HEPH: variants seen among roughly 807,000 people sequenced by gnomAD.
The protein encoded by HEPH is hephaestin.
A neutral mutation model predicts 80.8 loss-of-function variants in HEPH; 69 were observed. That is an observed-to-expected ratio of 0.85 (90% CI 0.70 to 1.04). HEPH has a LOEUF of 1.04. Ranked by LOEUF, HEPH falls within the 50% of genes least tolerant of loss-of-function variation. The pLI is 0.00. For synonymous variants in HEPH, 431 were observed against 322.8 expected (o/e 1.34, Z -3.60); for missense variants, 1,115 against 891.3 (o/e 1.25, Z -3.20).
Position 66,207,224 on chromosome X carries a change from A to G in HEPH, c.2321A>G (p.Asp774Gly). The change falls in exon 14 of 21, where the codon GAT becomes GGT. Residue 774 changes from aspartate to glycine, a missense_variant. Physicochemically the swap from Asp to Gly is moderately conservative, Grantham distance 94 (BLOSUM62 -1). Transcript: ENST00000343002. ...GGTTACATTTTCCTGAGCAACAAGG[A>G]TGGGCTCCTGGGTTCCAGATACAAG... ...SYGYIFLSNK[D>G]GLLGSRYKKA... 8.3e-7 allele frequency: 1 copy of G among 1,207,612 alleles called. No individual in the cohort carries two copies. Among genetic ancestry groups the G allele is most frequent in the Non-Finnish European group, 1.1e-6 (1 of 893,083 alleles).
chrX:66,253,025 C>A (rs1249351716), intron 15 of HEPH, among the ~76,000 whole-genome samples: 1 of 112,059 alleles, frequency 8.9e-6, no homozygotes, highest in Non-Finnish European at 1.9e-5. Flanking sequence ...AGGAGCAAAC[C>A]TTCATAACCT....
chrX:66,229,626 T>C (rs1218281302), intron 15 of HEPH, among the ~76,000 whole-genome samples: 1 of 111,880 alleles, frequency 8.9e-6, no homozygotes, highest in African/African-American at 3.2e-5. Context: ...TTTTGAAGAC[T>C]ACCTCTATAA....
intron 18 of HEPH, 67 bp from the exon 19 acceptor site, chrX:66,260,033 C>A: frequency 9.4e-7 from 1 of 1,062,436 alleles, no homozygotes; most frequent in Non-Finnish European, 1.3e-6. Flanking sequence ...TTTTTTGGTT[C>A]CTGAAAGCTC....
intron 15 of HEPH, among the ~76,000 whole-genome samples, chrX:66,237,509 G>GT (rs1410197411): frequency 4.5e-5 from 5 of 111,834 alleles, no homozygotes; most frequent in African/African-American, 9.7e-5. Context: ...TATGATTTCA[G>GT]TTTTTTTGCA....
intron 15 of HEPH, among the ~76,000 whole-genome samples, chrX:66,251,238 A>G (rs1158571199): frequency 8.9e-6 from 1 of 111,924 alleles, no homozygotes; most frequent in Admixed American, 9.5e-5. Context: ...TTTCTGGATC[A>G]TATAGTAAGG....
chrX:66,193,317 G>A (rs900738642), intron 7 of HEPH, among the ~76,000 whole-genome samples, 185 bp from the exon 8 acceptor site: 1 of 109,859 alleles, frequency 9.1e-6, no homozygotes, highest in Non-Finnish European at 1.9e-5. Context: ...GGCTCAAGCA[G>A]AAGCTGTATA....
At chrX:66,236,157 T>C (rs1026955879) in intron 15 of HEPH, among the ~76,000 whole-genome samples, 1 of 111,494 alleles carries the variant, frequency 9.0e-6, no homozygotes, top group African/African-American at 3.3e-5. Context: ...GATTGGGAGT[T>C]GTGGGAGAGT....
intron 1 of HEPH, among the ~76,000 whole-genome samples, chrX:66,166,595 A>C (rs1185813007): frequency 1.8e-5 from 2 of 112,132 alleles, no homozygotes; most frequent in Non-Finnish European, 3.8e-5. Context: ...AACAATGACA[A>C]ATTCAAATTT....
At chrX:66,255,250 T>C in intron 16 of HEPH, 109 bp downstream of exon 16, 1 of 442,039 alleles carries the variant, frequency 2.3e-6, no homozygotes, top group Non-Finnish European at 3.9e-6. Flanking sequence ...GCCTAGAATT[T>C]GGGGAACATT....
intron 4 of HEPH, among the ~76,000 whole-genome samples, chrX:66,177,159 A>T (rs1021878785): frequency 2.7e-5 from 3 of 111,682 alleles, no homozygotes; most frequent in Non-Finnish European, 5.7e-5. Context: ...TGGGCGAAGG[A>T]TATGAACAGA....
chrX:66,196,443 A>T (rs1380845108), intron 9 of HEPH, among the ~76,000 whole-genome samples: 1 of 112,358 alleles, frequency 8.9e-6, no homozygotes, highest in African/African-American at 3.2e-5. Flanking sequence ...AAGGAAAGGT[A>T]GGTTAAAACC....
Position 66,208,224 on chromosome X carries a change from C to A in HEPH, c.2541C>A (p.Val847=). The change falls in exon 15 of 21, where the codon GTC becomes GTA. Residue 847 remains valine, a synonymous_variant. Transcript: ENST00000343002. ...HAHGVLESTT[V]WPLAAEPGEV... ...ATGGAGTGCTAGAATCTACTACTGT[C>A]TGGCCACTGGCTGCTGAGCCTGGTG... 8.3e-7 allele frequency: 1 copy of A among 1,208,168 alleles called. No individual in the cohort carries two copies. Among genetic ancestry groups the A allele is most frequent in the Non-Finnish European group, 1.1e-6 (1 of 893,562 alleles).
intron 15 of HEPH, among the ~76,000 whole-genome samples, chrX:66,229,843 T>A (rs926737786): frequency 9.1e-6 from 1 of 109,810 alleles, no homozygotes; most frequent in African/African-American, 3.3e-5. Flanking sequence ...GTTACATATA[T>A]ATACATGTGC....
intron 13 of HEPH, among the ~76,000 whole-genome samples, chrX:66,205,599 G>C (rs1157897623): frequency 9.6e-6 from 1 of 103,739 alleles, no homozygotes; most frequent in Admixed American, 1.0e-4. Context: ...TATTTTTCAT[G>C]CTTTTTTTTT....
intron 7 of HEPH, among the ~76,000 whole-genome samples, chrX:66,193,236 T>G (rs1361032515): frequency 9.1e-6 from 1 of 110,069 alleles, no homozygotes; most frequent in East Asian, 2.9e-4. Context: ...AAAATAGAAT[T>G]CCAATAATTT....
chrX:66,177,833 A>G (rs945166147), intron 4 of HEPH, among the ~76,000 whole-genome samples: 5 of 111,110 alleles, frequency 4.5e-5, no homozygotes, highest in African/African-American at 9.8e-5. Context: ...CACTCTTTCA[A>G]TCTTTTTGAT....
intron 19 of HEPH, among the ~76,000 whole-genome samples, chrX:66,263,204 G>A (rs554333756): frequency 8.9e-6 from 1 of 111,955 alleles, no homozygotes; most frequent in Non-Finnish European, 1.9e-5. Context: ...TTGAGATGAT[G>A]TAAATGAAGT....
At chrX:66,206,339 CTTTTTTTTTTTTTTTTTTTTTTTT>C (rs760184190) in intron 13 of HEPH, among the ~76,000 whole-genome samples, 156 of 14,077 alleles carry the variant, frequency 0.011, 2 homozygotes, top group African/African-American at 0.027. Flanking sequence ...AACCTGCCAT[CTTTTTTTTTTTTTTTTTTTTTTTT>C]TTTTTTTTTT....
In HEPH at chrX:66,188,389, G is replaced by A. The variant is rs761872841; in HGVS notation, c.656G>A (p.Arg219His). 2.2e-5 allele frequency: 26 copies of A among 1,195,745 alleles called. No individual in the cohort carries two copies. Among genetic ancestry groups the A allele is most frequent in the Admixed American group, 4.6e-5 (2 of 43,608 alleles). Residue 219 changes from arginine to histidine, a missense_variant, in exon 5 of 21, where the codon CGC becomes CAC. This residue lies in a region of HEPH where 391 missense variants were observed against 343.6 expected (regional missense o/e 1.14). Coordinates refer to ENST00000343002, the MANE Select transcript of HEPH (RefSeq NM_001367233.3). ...CTGGATGGGAACTCCCCTCCTCAAC[G>A]CCAGGATGTAGACCATGATTTCTTC... ...GALDGNSPPQ[R>H]QDVDHDFFLL...
Sources: gnomAD v4.1 joint callset for allele counts (sites outside exome capture counted in the v4.1 genomes callset) on GRCh38, gnomAD v4.1.1 for gene constraint, gnomAD v4.1.1 regional missense constraint, MANE v1.5 for transcripts, NCBI Gene and HGNC (gene_info 2026-07-23, HGNC 2026-07-21) for gene names.